The following TAF15 variants were observed in gnomAD, a reference collection of about 807,000 sequenced individuals.
TAF15 encodes the protein TATA-box binding protein associated factor 15, also known as TATA-binding protein-associated factor 2N.
TAF15 carries 37 observed loss-of-function variants against 102.5 expected under a neutral mutation model. The ratio of observed to expected loss-of-function variants is 0.36; its 90% confidence interval spans 0.28 to 0.47. The LOEUF (loss-of-function observed/expected upper bound fraction) is 0.47, where lower values mean the gene tolerates loss of function less well. Ranked by LOEUF, TAF15 falls within the 20% of genes least tolerant of loss-of-function variation. The pLI, the probability that TAF15 is intolerant of heterozygous loss-of-function variation, is 0.99. For missense variants in TAF15, 652 were observed against 760.7 expected (o/e 0.86, Z 1.68); for synonymous variants, 273 against 259.2 (o/e 1.05, Z -0.51).
Position 35,831,036 on chromosome 17 carries a change from A to T in TAF15, c.606-2871A>T, listed in dbSNP as rs183512122. 6.6e-5 allele frequency among the ~76,000 whole-genome samples: 10 copies of T among 152,284 alleles called. No individual in the cohort carries two copies. The East Asian group carries it at 1.9e-3, about 29-fold the overall frequency. ...AGACTAGTTCTTTTTCCAGTGTACT[A>T]TGGTATTTCCAAATTTATGGCCATG... is the stretch of plus-strand genomic sequence containing the variant. On this transcript the variant is annotated intron_variant, in intron 7 of 15. Transcript: ENST00000605844.
rs979996092 is a variant in TAF15, at chr17:35,844,511, C to T, written c.1212C>T (p.Gly404=). Residue 404 remains glycine, a synonymous_variant, in exon 15 of 16, where the codon GGC becomes GGT. Transcript: ENST00000605844. Reference sequence around the variant, plus strand: ...GGAGAGGCTACGGTGGAGAGAGGGGCTACAGAGGTCGTGGGGGCAGAGGTG... The same window carrying T: ...GGAGAGGCTACGGTGGAGAGAGGGGTTACAGAGGTCGTGGGGGCAGAGGTG... ...FRGRGYGGER[G]YRGRGGRGGD... is the part of the protein sequence containing the mutation. The T allele has an allele frequency of 6.2e-7, 1 of 1,610,732 alleles. No individual in the cohort carries two copies. Among genetic ancestry groups the T allele is most frequent in the Non-Finnish European group, 8.5e-7 (1 of 1,178,204 alleles).
intron 15 of TAF15, among the ~76,000 whole-genome samples, chr17:35,846,558 C>T (rs1054482292): frequency 2.0e-5 from 3 of 152,142 alleles, no homozygotes; most frequent in Admixed American, 6.5e-5. Flanking sequence ...AGTGGCAGAT[C>T]CAGAATTCAT....
chr17:35,810,807 G>C (rs2087116144), intron 1 of TAF15: 1 of 152,172 alleles, frequency 6.6e-6, no homozygotes, highest in Non-Finnish European at 1.5e-5. Context: ...CTTTGGACAG[G>C]AGCATGCTAT....
chr17:35,831,198 T>A (rs1238172064), intron 7 of TAF15, among the ~76,000 whole-genome samples: 1 of 151,962 alleles, frequency 6.6e-6, no homozygotes, highest in African/African-American at 2.4e-5. Context: ...GTCAGGAGAT[T>A]GAGACCATCC....
intron 11 of TAF15, among the ~76,000 whole-genome samples, chr17:35,840,991 C>T (rs548827430): frequency 1.6e-4 from 24 of 152,298 alleles, no homozygotes; most frequent in African/African-American, 5.8e-4. Flanking sequence ...TACTTTGCTG[C>T]TTTCATAAGA....
At chr17:35,823,642 T>C in intron 6 of TAF15, 1 of 199,058 alleles carries the variant, frequency 5.0e-6, no homozygotes, top group Admixed American at 5.5e-5. Context: ...GAGGCAGAGC[T>C]TGCAGTGAGC....
intron 11 of TAF15, among the ~76,000 whole-genome samples, chr17:35,841,873 A>AT (rs2087552065): frequency 6.6e-6 from 1 of 151,744 alleles, no homozygotes. Flanking sequence ...AATTAAAAAA[A>AT]TTTTTTCAGA....
intron 15 of TAF15, among the ~76,000 whole-genome samples, chr17:35,845,836 G>C (rs2087617733): frequency 1.3e-5 from 2 of 152,192 alleles, no homozygotes; most frequent in African/African-American, 4.8e-5. Flanking sequence ...CGGTGTATCT[G>C]TGTATTATTT....
In TAF15 at chr17:35,838,409, T is replaced by A. The variant is rs781326210; in HGVS notation, c.784-15T>A. 147 of 1,614,036 alleles carry A rather than the reference T, an allele frequency of 9.1e-5. No homozygotes were observed. In the East Asian group the frequency reaches 3.1e-3, roughly 34 times the overall value. ...TTTAAAAATGCTAACACCAAGTGTTTCTGTTTTTCCTCAGACAAATAAGAA... is the reference window on the plus strand; with the variant it reads ...TTTAAAAATGCTAACACCAAGTGTTACTGTTTTTCCTCAGACAAATAAGAA... On this transcript the variant is annotated splice_polypyrimidine_tract_variant and intron_variant, in intron 10 of 15. Transcript: ENST00000605844.
At chr17:35,820,575 A>G in intron 5 of TAF15, 138 bp downstream of exon 5, 2 of 707,732 alleles carry the variant, frequency 2.8e-6, no homozygotes, top group East Asian at 2.7e-5. Flanking sequence ...GGATTTTACA[A>G]CTGTATATTA....
chr17:35,836,047 G>A (rs1265373899), intron 9 of TAF15, 85 bp from the exon 10 acceptor site: 25 of 943,580 alleles, frequency 2.6e-5, no homozygotes, highest in Admixed American at 3.9e-5. Flanking sequence ...TTGAATATTG[G>A]ACAATAAATT....
In TAF15 at chr17:35,820,238, A is replaced by G. The variant is rs764744088; in HGVS notation, c.174A>G (p.Gln58=). The change falls in exon 4 of 16, where the codon CAA becomes CAG. Residue 58 remains glutamine (Q), a synonymous_variant. Coordinates refer to ENST00000605844, the MANE Select transcript of TAF15 (RefSeq NM_139215.3). ...QNYSGYSSYG[Q]SQSGYSQSYG... ...ACAGCGGTTACTCCAGTTATGGACA[A>G]AGTCAGTCAGGTTGGACTAGTTTGT... 3 of 1,613,996 alleles carry G rather than the reference A, an allele frequency of 1.9e-6. No individual in the cohort carries two copies. Among genetic ancestry groups the G allele is most frequent in the Admixed American group, 1.7e-5 (1 of 60,004 alleles).
Position 35,824,100 on chromosome 17 carries a change from G to T in TAF15, c.507G>T (p.Arg169Ser). Residue 169 changes from arginine to serine, a missense_variant, in exon 7 of 16, where the codon AGG becomes AGT. Arg to Ser is a moderately radical substitution (Grantham distance 110). Coordinates refer to ENST00000605844, the MANE Select transcript of TAF15 (RefSeq NM_139215.3). ...TAGATGACCGTCGTGATGTGAGTAG[G>T]TATGGAGAAGATAATAGAGGATATG... Reference protein sequence around the residue: ...HTQDDRRDVSRYGEDNRGYGG... With the variant: ...HTQDDRRDVSSYGEDNRGYGG... The T allele has an allele frequency of 6.2e-7, 1 of 1,614,148 alleles. No homozygotes were observed.
rs376674408 is a variant in TAF15 at position 35,822,712 on chromosome 17, C to T, written c.363C>T (p.Gly121=). The change falls in exon 6 of 16, where the codon GGC becomes GGT. Residue 121 remains glycine (G), a synonymous_variant. Coordinates refer to ENST00000605844, the MANE Select transcript of TAF15 (RefSeq NM_139215.3). ...AAGATTCATATGACCAGCAGTCAGGCTATGATCAACATCAAGGCTCATATG... is the reference window on the plus strand; with the variant it reads ...AAGATTCATATGACCAGCAGTCAGGTTATGATCAACATCAAGGCTCATATG... ...GQQDSYDQQS[G]YDQHQGSYDE... The T allele has an allele frequency of 7.4e-6, 12 of 1,614,154 alleles. No individual in the cohort carries two copies. Among genetic ancestry groups the T allele is most frequent in the Middle Eastern group, 1.6e-4 (1 of 6,062 alleles).
In TAF15 at chr17:35,826,353, G is replaced by C. The variant is rs567792661; in HGVS notation, c.605+2155G>C. Among the ~76,000 whole-genome samples the C allele has an allele frequency of 2.0e-5, 3 of 152,138 alleles. No individual in the cohort carries two copies. In the South Asian group the frequency reaches 6.2e-4, roughly 32 times the overall value. On this transcript the variant is annotated intron_variant, in intron 7 of 15. Coordinates refer to ENST00000605844, the MANE Select transcript of TAF15 (RefSeq NM_139215.3). ...TTTTTTAGAAATCCGTATGGATGCC[G>C]ATTACTCTTTATATTGAGTTGGCAA...
chr17:35,828,279 C>T (rs2087355016), intron 7 of TAF15, among the ~76,000 whole-genome samples: 1 of 152,152 alleles, frequency 6.6e-6, no homozygotes, highest in African/African-American at 2.4e-5. Flanking sequence ...TCTAGCACAG[C>T]ATTGCCCAAT....
At chr17:35,820,468 T>C in intron 5 of TAF15, 31 bp downstream of exon 5, 1 of 1,593,362 alleles carries the variant, frequency 6.3e-7, no homozygotes, top group Non-Finnish European at 8.6e-7. Flanking sequence ...TGAGATTGTT[T>C]TGGGCAGTGG....
At position 35,829,325 on chromosome 17, in the gene TAF15, A is replaced by AT. The variant is rs892564524; in HGVS notation, c.606-4571dup. 4.7e-3 allele frequency among the ~76,000 whole-genome samples: 686 copies of AT among 146,092 alleles called. 4 individuals are homozygous for AT. The highest frequency in any genetic ancestry group is 0.015 in the African/African-American group (613 of 39,980). On this transcript the variant is annotated intron_variant, in intron 7 of 15. Transcript: ENST00000605844. ...GTTAGGTTTTTATTTTATTTTTATT[A>AT]TTTTTTTTTTTATTAAAAGATTTGG...
chr17:35,834,499 AT>A (rs1190256394), intron 8 of TAF15, 66 bp from the exon 9 acceptor site: 86 of 1,504,850 alleles, frequency 5.7e-5, no homozygotes, highest in South Asian at 1.3e-4. Context: ...GTTTATTACT[AT>A]TTTTTTTGTT....
Sources: gnomAD v4.1 joint callset for allele counts (sites outside exome capture counted in the v4.1 genomes callset) on GRCh38, gnomAD v4.1.1 for gene constraint, MANE v1.5 for transcripts, NCBI Gene and HGNC (gene_info 2026-07-23, HGNC 2026-07-21) for gene names.